SLC38A9: variants seen among roughly 807,000 people sequenced by gnomAD.
The protein encoded by SLC38A9 is solute carrier family 38 member 9, also known as neutral amino acid transporter 9.
A neutral mutation model predicts 62.3 loss-of-function variants in SLC38A9; 48 were observed. That is an observed-to-expected ratio of 0.77 (90% CI 0.61 to 0.98). SLC38A9 has a LOEUF of 0.98. SLC38A9 is among the 50% of genes least tolerant of loss of function. The pLI, the probability that SLC38A9 is intolerant of heterozygous loss-of-function variation, is 0.00. For missense variants in SLC38A9, 541 were observed against 679.8 expected, an observed-to-expected ratio of 0.80 and a Z score of 2.27; for synonymous variants, 204 against 227.7, an observed-to-expected ratio of 0.90 and a Z score of 0.94.
intron 11 of SLC38A9, among the ~76,000 whole-genome samples, chr5:55,646,539 T>C (rs2150139873): frequency 6.6e-6 from 1 of 152,250 alleles, no homozygotes; most frequent in South Asian, 2.1e-4. Context: ...AGAAAAGGAA[T>C]TATGAAAGGG....
At chr5:55,679,573 TA>T (rs924719567) in intron 3 of SLC38A9, among the ~76,000 whole-genome samples, 1 of 148,618 alleles carries the variant, frequency 6.7e-6, no homozygotes, top group Non-Finnish European at 1.5e-5. Flanking sequence ...AAATGATCAG[TA>T]AAAGAAATGC....
At chr5:55,702,085 GA>G (rs934894258) in intron 2 of SLC38A9, among the ~76,000 whole-genome samples, 3 of 152,094 alleles carry the variant, frequency 2.0e-5, no homozygotes, top group African/African-American at 7.2e-5. Flanking sequence ...TAACATTTAT[GA>G]AACAGTAGGA....
chr5:55,650,166 A>T (rs1747136609), intron 10 of SLC38A9, among the ~76,000 whole-genome samples: 1 of 152,154 alleles, frequency 6.6e-6, no homozygotes, highest in African/African-American at 2.4e-5. Flanking sequence ...TGAGGTTTTG[A>T]CTGGGTAGCA....
intron 8 of SLC38A9, among the ~76,000 whole-genome samples, chr5:55,663,600 G>A (rs1334718649): frequency 2.0e-5 from 3 of 151,932 alleles, no homozygotes; most frequent in Non-Finnish European, 4.4e-5. Context: ...GAGTGTTACC[G>A]CGGGTGCCTG....
intron 12 of SLC38A9, 37 bp downstream of exon 12, chr5:55,645,752 G>C (rs775278604): frequency 1.4e-6 from 2 of 1,393,802 alleles, no homozygotes; most frequent in African/African-American, 2.9e-5. Flanking sequence ...TTTATCCTCG[G>C]GAGATACAAA....
chr5:55,711,164 G>A (rs1408648963), intron 2 of SLC38A9, among the ~76,000 whole-genome samples: 1 of 151,712 alleles, frequency 6.6e-6, no homozygotes, highest in African/African-American at 2.4e-5. Context: ...GTGGTGGCGG[G>A]CAGCTGTAAT....
chr5:55,707,752 G>A (rs183338531), intron 2 of SLC38A9, among the ~76,000 whole-genome samples: 16 of 152,258 alleles, frequency 1.1e-4, no homozygotes, highest in Admixed American at 9.2e-4. Flanking sequence ...TTTGTGTCCC[G>A]TCCAAAATTC....
chr5:55,668,408 T>A (rs11954105), intron 7 of SLC38A9, among the ~76,000 whole-genome samples: 1 of 151,920 alleles, frequency 6.6e-6, no homozygotes, highest in South Asian at 2.1e-4. Flanking sequence ...TATTTATTTT[T>A]TATTTTTTAA....
Position 55,642,404 on chromosome 5 carries a change from T to C in SLC38A9, c.1167+3385A>G, listed in dbSNP as rs114117079. The stretch of plus-strand genomic sequence containing the variant: ...AGCATGATAAAAATATGTGTAAATG[T>C]TTAAGATAAAACATGACACTTCAAT... On this transcript the variant is annotated intron_variant, in intron 12 of 15. Coordinates refer to ENST00000396865, the MANE Select transcript of SLC38A9 (RefSeq NM_173514.4). Among the ~76,000 whole-genome samples, 416 of 152,328 alleles carry C rather than the reference T, an allele frequency of 2.7e-3. 1 individual carries two copies. The highest frequency in any genetic ancestry group is 9.3e-3 in the African/African-American group (388 of 41,578).
chr5:55,653,716 T>C (rs1580182380), intron 9 of SLC38A9, among the ~76,000 whole-genome samples: 1 of 151,892 alleles, frequency 6.6e-6, no homozygotes, highest in Non-Finnish European at 1.5e-5. Context: ...TGGAGTGCAG[T>C]GGTGCGATCT....
At chr5:55,665,653 A>C (rs1194624962) in intron 7 of SLC38A9, among the ~76,000 whole-genome samples, 1 of 152,142 alleles carries the variant, frequency 6.6e-6, no homozygotes, top group Non-Finnish European at 1.5e-5. Flanking sequence ...GCAACCGAAG[A>C]AACAAATTAC....
At chr5:55,660,295 C>T (rs1293241803) in intron 8 of SLC38A9, among the ~76,000 whole-genome samples, 4 of 151,850 alleles carry the variant, frequency 2.6e-5, no homozygotes, top group African/African-American at 9.7e-5. Context: ...TGCCTGTAGT[C>T]TCAGCTACTC....
chr5:55,631,066 G>C (rs977341060), intron 14 of SLC38A9, among the ~76,000 whole-genome samples: 1 of 152,142 alleles, frequency 6.6e-6, no homozygotes, highest in African/African-American at 2.4e-5. Context: ...CCAGGAGGCA[G>C]GGGTTGCAGT....
At chr5:55,649,133 A>T in intron 11 of SLC38A9, 74 bp downstream of exon 11, 1 of 716,664 alleles carries the variant, frequency 1.4e-6, no homozygotes, top group Non-Finnish European at 2.1e-6. Context: ...AAAAATCATT[A>T]CTTGTTTTAG....
intron 3 of SLC38A9, among the ~76,000 whole-genome samples, chr5:55,690,451 T>C (rs529101206): frequency 6.6e-6 from 1 of 152,158 alleles, no homozygotes; most frequent in Non-Finnish European, 1.5e-5. Flanking sequence ...GGAAAGAGGA[T>C]GGAGAAGGGT....
chr5:55,697,778 T>A, intron 3 of SLC38A9, 68 bp downstream of exon 3: 1 of 762,744 alleles, frequency 1.3e-6, no homozygotes, highest in Non-Finnish European at 2.1e-6. Flanking sequence ...ACATGTTTGG[T>A]TATAATTAGA....
At chr5:55,655,485 C>A (rs1177665017) in intron 9 of SLC38A9, among the ~76,000 whole-genome samples, 1 of 152,084 alleles carries the variant, frequency 6.6e-6, no homozygotes, top group Non-Finnish European at 1.5e-5. Flanking sequence ...AGGAATAGGG[C>A]ACAAGAGATT....
chr5:55,692,633 T>G (rs1754904094), intron 3 of SLC38A9: 1 of 985,224 alleles, frequency 1.0e-6, no homozygotes, highest in Non-Finnish European at 1.2e-6. Flanking sequence ...TTCCCTCTCA[T>G]TTCAACAAGT....
intron 15 of SLC38A9, 52 bp from the exon 16 acceptor site, chr5:55,626,711 A>T (rs1252606783): frequency 3.5e-6 from 5 of 1,445,766 alleles, no homozygotes; most frequent in Non-Finnish European, 3.7e-6. Flanking sequence ...TTTGCTTTTT[A>T]CAATTAAGGT....
Sources: allele counts gnomAD v4.1 joint callset (sites outside exome capture counted in the v4.1 genomes callset), GRCh38; gene constraint gnomAD v4.1.1; transcripts MANE v1.5; gene names NCBI Gene and HGNC (gene_info 2026-07-23, HGNC 2026-07-21).